Variants in EDAR observed in about 807,000 individuals in gnomAD.
The protein encoded by EDAR is ectodysplasin A receptor, also known as tumor necrosis factor receptor superfamily member EDAR.
EDAR carries 38 observed loss-of-function variants against 51.3 expected under a neutral mutation model. That is an observed-to-expected ratio of 0.74 (90% CI 0.57 to 0.97). The LOEUF is 0.97. EDAR is among the 50% of genes least tolerant of loss of function. The probability of loss-of-function intolerance (pLI) is 0.00; values close to 1 mark genes in which losing one functional copy is unlikely to be tolerated. For synonymous variants in EDAR, 227 were observed against 242.1 expected (o/e 0.94, Z 0.58); for missense variants, 528 against 595.0 (o/e 0.89, Z 1.17).
chr2:108,896,850 C>T lies in EDAR; in HGVS notation c.*57G>A. The T allele has an allele frequency of 6.5e-7, 1 of 1,548,054 alleles. No homozygotes were observed. Reference sequence around the variant, plus strand: ...AGTCTTTTGGCACCACTCACAGCTCCAGAGCCCTCGTTGGCTCCTTGGCTT... The same window carrying T: ...AGTCTTTTGGCACCACTCACAGCTCTAGAGCCCTCGTTGGCTCCTTGGCTT... On this transcript the variant is annotated 3_prime_UTR_variant, in exon 12 of 12. Coordinates refer to ENST00000258443, the MANE Select transcript of EDAR (RefSeq NM_022336.4).
At chr2:108,898,160 A>G (rs551628400) in intron 11 of EDAR, among the ~76,000 whole-genome samples, 2 of 151,970 alleles carry the variant, frequency 1.3e-5, no homozygotes, top group East Asian at 3.9e-4. Flanking sequence ...CTGTGTCCCC[A>G]CTCTATCCAG....
intron 1 of EDAR, among the ~76,000 whole-genome samples, chr2:108,970,228 T>C (rs1021765355): frequency 1.3e-5 from 2 of 152,182 alleles, no homozygotes; most frequent in Non-Finnish European, 2.9e-5. Flanking sequence ...AGAATCTACA[T>C]TTTTAGCAGA....
At chr2:108,943,913 C>T (rs918224026) in intron 1 of EDAR, among the ~76,000 whole-genome samples, 1 of 152,184 alleles carries the variant, frequency 6.6e-6, no homozygotes, top group African/African-American at 2.4e-5. Context: ...ACCTCAGTTA[C>T]GTTGCTTCCA....
At chr2:108,910,391 C>G in intron 9 of EDAR, 69 bp downstream of exon 9, 1 of 1,323,380 alleles carries the variant, frequency 7.6e-7, no homozygotes, top group Non-Finnish European at 1.1e-6. Flanking sequence ...CGGCTGCACC[C>G]TGGTTCCCCT....
At chr2:108,970,903 C>T (rs1049811794) in intron 1 of EDAR, among the ~76,000 whole-genome samples, 1 of 152,158 alleles carries the variant, frequency 6.6e-6, no homozygotes, top group Non-Finnish European at 1.5e-5. Context: ...GATAGATTTG[C>T]TAATTCTTTT....
chr2:108,955,334 C>T (rs1384529432), intron 1 of EDAR, among the ~76,000 whole-genome samples: 1 of 152,046 alleles, frequency 6.6e-6, no homozygotes, highest in African/African-American at 2.4e-5. Flanking sequence ...TAATTATTTT[C>T]CAATTATGGA....
intron 1 of EDAR, among the ~76,000 whole-genome samples, chr2:108,981,688 A>G (rs1479478389): frequency 6.6e-6 from 1 of 152,172 alleles, no homozygotes; most frequent in African/African-American, 2.4e-5. Context: ...TTAGACTTCA[A>G]GCTAATTTGA....
At chr2:108,913,944 C>T (rs1446018335) in intron 5 of EDAR, among the ~76,000 whole-genome samples, 5 of 87,482 alleles carry the variant, frequency 5.7e-5, no homozygotes, top group Non-Finnish European at 1.0e-4. Flanking sequence ...AGTGCGATTC[C>T]GTCTCAAAAA....
chr2:108,906,326 C>G lies in EDAR; in HGVS notation c.1006G>C (p.Val336Leu). Residue 336 changes from valine (V) to leucine (L), a missense_variant, in exon 11 of 12, where the codon GTG (valine) becomes CTG (leucine). Coordinates refer to ENST00000258443, the MANE Select transcript of EDAR (RefSeq NM_022336.4). ...AGCTTACCTTCCACGACTCCACACA[C>G]GTTGGCATACACATCGAGGATCTTT... ...RKKILDVYAN[V>L]CGVVEGLSPT... 1 of 1,614,208 alleles carries G rather than the reference C, an allele frequency of 6.2e-7. No homozygotes were observed. The highest frequency in any genetic ancestry group is 1.3e-5 in the African/African-American group (1 of 75,052).
intron 5 of EDAR, among the ~76,000 whole-genome samples, chr2:108,913,642 G>GATAAAAGTGTGGGA (rs2105408041): frequency 6.6e-6 from 1 of 152,086 alleles, no homozygotes; most frequent in East Asian, 1.9e-4. Flanking sequence ...TTGTGGGAAG[G>GATAAAAGTGTGGGA]AGGCTGGTGA....
rs182622411 is a variant in EDAR, at chr2:108,913,299, A to G, written c.443-535T>C. Among the ~76,000 whole-genome samples, 103 of 152,182 alleles carry G rather than the reference A, an allele frequency of 6.8e-4. 1 individual carries two copies. Among genetic ancestry groups the G allele is most frequent in the Middle Eastern group, 3.4e-3 (1 of 294 alleles). Reference sequence around the variant, plus strand: ...CTCATGTGATAAGTCTGCTAAAACTAAACAGTGTGGGTTGGGGAGTTTTGC... The same window carrying G: ...CTCATGTGATAAGTCTGCTAAAACTGAACAGTGTGGGTTGGGGAGTTTTGC... On this transcript the variant is annotated intron_variant, in intron 5 of 11. Transcript: ENST00000258443.
At chr2:108,934,495 G>T (rs1044928750) in intron 1 of EDAR, among the ~76,000 whole-genome samples, 6 of 152,224 alleles carry the variant, frequency 3.9e-5, no homozygotes, top group African/African-American at 1.4e-4. Context: ...CAGTGATGGG[G>T]AGAGGGAGCA....
chr2:108,931,753 T>C (rs1574387532), intron 1 of EDAR, among the ~76,000 whole-genome samples: 1 of 152,154 alleles, frequency 6.6e-6, no homozygotes, highest in Admixed American at 6.5e-5. Context: ...GTTTTTTCAC[T>C]TTCTGAATGG....
At chr2:108,980,248 G>A (rs1285191957) in intron 1 of EDAR, among the ~76,000 whole-genome samples, 2 of 151,942 alleles carry the variant, frequency 1.3e-5, no homozygotes, top group East Asian at 1.9e-4. Flanking sequence ...CACTGATTCC[G>A]GACAGTTCTG....
intron 1 of EDAR, among the ~76,000 whole-genome samples, chr2:108,983,633 C>T (rs72939926): frequency 0.022 from 3,310 of 152,280 alleles, 113 homozygotes; most frequent in East Asian, 0.091. Context: ...AGGTATCCTC[C>T]TCCAGACTGA....
At chr2:108,908,056 G>A in intron 9 of EDAR, 37 bp from the exon 10 acceptor site, 1 of 1,573,374 alleles carries the variant, frequency 6.4e-7, no homozygotes. Flanking sequence ...AGCAGTGCCT[G>A]GGGGGGCTGC....
intron 1 of EDAR, among the ~76,000 whole-genome samples, chr2:108,984,690 GTTTT>G (rs147598264): frequency 6.6e-6 from 1 of 150,594 alleles, no homozygotes; most frequent in South Asian, 2.1e-4. Flanking sequence ...TAGTTTGTTT[GTTTT>G]TTTTTCATGG....
chr2:108,921,983 T>C (rs971730876), intron 5 of EDAR, among the ~76,000 whole-genome samples: 1 of 152,008 alleles, frequency 6.6e-6, no homozygotes, highest in African/African-American at 2.4e-5. Context: ...GGGAGTGGGG[T>C]GCGCTCATCT....
At chr2:108,978,272 C>T (rs260604) in intron 1 of EDAR, among the ~76,000 whole-genome samples, 117,848 of 152,124 alleles carry the variant, frequency 0.77, 47,184 homozygotes, top group South Asian at 0.87. Flanking sequence ...GGAAGTGTTT[C>T]AAGGGGTTAA....
Sources: allele counts gnomAD v4.1 joint callset (sites outside exome capture counted in the v4.1 genomes callset), GRCh38; gene constraint gnomAD v4.1.1; transcripts MANE v1.5; gene names NCBI Gene and HGNC (gene_info 2026-07-23, HGNC 2026-07-21).